The following PLCB1 variants were observed in gnomAD, a reference collection of about 807,000 sequenced individuals.
The protein encoded by PLCB1 is 1-phosphatidylinositol 4,5-bisphosphate phosphodiesterase beta-1.
A neutral mutation model predicts 161.8 loss-of-function variants in PLCB1; 46 were observed. That is an observed-to-expected ratio of 0.28 (90% confidence interval 0.22 to 0.36). The LOEUF (loss-of-function observed/expected upper bound fraction) is 0.36. Ranked by LOEUF, PLCB1 falls within the 10% of genes least tolerant of loss-of-function variation. The pLI, the probability that PLCB1 is intolerant of heterozygous loss-of-function variation, is 1.00. For synonymous variants in PLCB1, 517 were observed against 503.7 expected (o/e 1.03, Z -0.35); for missense variants, 1,016 against 1,472.5 (o/e 0.69, Z 5.07).
chr20:8,280,128 G>T (rs913707923), intron 2 of PLCB1, among the ~76,000 whole-genome samples: 3 of 152,068 alleles, frequency 2.0e-5, no homozygotes, highest in Admixed American at 6.6e-5. Flanking sequence ...CTGAGGTCAG[G>T]AGTTCGAGAC....
At chr20:8,679,062 A>T (rs1429829936) in intron 9 of PLCB1, among the ~76,000 whole-genome samples, 1 of 152,172 alleles carries the variant, frequency 6.6e-6, no homozygotes, top group Non-Finnish European at 1.5e-5. Flanking sequence ...TGATGGACAC[A>T]TCCTTGGTTA....
intron 31 of PLCB1, among the ~76,000 whole-genome samples, chr20:8,791,011 C>A (rs1024863926): frequency 6.6e-6 from 1 of 152,110 alleles, no homozygotes; most frequent in Admixed American, 6.5e-5. Flanking sequence ...TACTGCCATT[C>A]CACACAAGCA....
intron 9 of PLCB1, among the ~76,000 whole-genome samples, chr20:8,660,059 T>C (rs769131450): frequency 8.5e-5 from 13 of 152,076 alleles, no homozygotes; most frequent in Non-Finnish European, 1.9e-4. Flanking sequence ...AATCATATTC[T>C]ACATGCTACT....
At chr20:8,449,357 A>G (rs1267782687) in intron 3 of PLCB1, among the ~76,000 whole-genome samples, 2 of 152,214 alleles carry the variant, frequency 1.3e-5, no homozygotes, top group Non-Finnish European at 2.9e-5. Flanking sequence ...GATTCATCAC[A>G]CCACATTTCT....
At chr20:8,546,566 G>C (rs978788304) in intron 3 of PLCB1, among the ~76,000 whole-genome samples, 22 of 152,142 alleles carry the variant, frequency 1.4e-4, no homozygotes, top group African/African-American at 2.9e-4. Flanking sequence ...TAAGCTCTAG[G>C]GGGGAGGTAA....
intron 18 of PLCB1, among the ~76,000 whole-genome samples, chr20:8,732,644 G>GAA (rs1980318216): frequency 7.0e-6 from 1 of 143,468 alleles, no homozygotes; most frequent in Non-Finnish European, 1.5e-5. Context: ...TTAGAAATTA[G>GAA]ATATTAGATA....
chr20:8,238,252 G>A (rs1424355961), intron 2 of PLCB1, among the ~76,000 whole-genome samples: 1 of 151,994 alleles, frequency 6.6e-6, no homozygotes, highest in Non-Finnish European at 1.5e-5. Flanking sequence ...TACCTGCGTG[G>A]AAGTATCCAG....
At chr20:8,671,620 T>C (rs983105619) in intron 9 of PLCB1, among the ~76,000 whole-genome samples, 1 of 152,210 alleles carries the variant, frequency 6.6e-6, no homozygotes, top group Admixed American at 6.5e-5. Context: ...TAACACGTTT[T>C]AGAGAGATAA....
intron 3 of PLCB1, among the ~76,000 whole-genome samples, chr20:8,470,998 C>A (rs1218833679): frequency 6.6e-6 from 1 of 152,060 alleles, no homozygotes; most frequent in Non-Finnish European, 1.5e-5. Context: ...GTGTGGAACA[C>A]TTGCAAATAT....
intron 2 of PLCB1, among the ~76,000 whole-genome samples, chr20:8,241,109 A>T (rs1980588706): frequency 6.6e-6 from 1 of 152,018 alleles, no homozygotes; most frequent in Non-Finnish European, 1.5e-5. Context: ...AATGTAATTG[A>T]ATTTCTCCTG....
At chr20:8,573,610 T>G (rs538948036) in intron 3 of PLCB1, among the ~76,000 whole-genome samples, 1 of 152,330 alleles carries the variant, frequency 6.6e-6, no homozygotes, top group East Asian at 1.9e-4. Context: ...TAATTCAAAG[T>G]GTGAGACTCT....
intron 2 of PLCB1, among the ~76,000 whole-genome samples, chr20:8,203,319 A>G (rs1978346495): frequency 2.0e-5 from 3 of 152,074 alleles, no homozygotes; most frequent in Admixed American, 2.0e-4. Context: ...ATGATATGGA[A>G]GGGTCTAGCT....
intron 3 of PLCB1, among the ~76,000 whole-genome samples, chr20:8,392,081 T>G (rs1257443391): frequency 1.3e-5 from 2 of 152,018 alleles, no homozygotes; most frequent in East Asian, 3.9e-4. Flanking sequence ...TTTGAAAGTT[T>G]GCGTCCCCTC....
intron 2 of PLCB1, among the ~76,000 whole-genome samples, chr20:8,196,636 C>G (rs2423352): frequency 1 from 150,396 of 150,400 alleles, 75,196 homozygotes; most frequent in Non-Finnish European, 1. Context: ...CAGCCTCAAA[C>G]AAGCTCCTTT....
intron 2 of PLCB1, among the ~76,000 whole-genome samples, chr20:8,329,646 T>C (rs1985292891): frequency 6.6e-6 from 1 of 152,344 alleles, no homozygotes; most frequent in Non-Finnish European, 1.5e-5. Flanking sequence ...ATGTCACTGA[T>C]GGCATAATGT....
chr20:8,871,402 G>A (rs1189293507), intron 31 of PLCB1, among the ~76,000 whole-genome samples: 1 of 152,136 alleles, frequency 6.6e-6, no homozygotes, highest in East Asian at 1.9e-4. Flanking sequence ...AATACTAAAG[G>A]TATTGGCAGA....
intron 31 of PLCB1, among the ~76,000 whole-genome samples, chr20:8,796,159 A>C (rs1984017117): frequency 6.6e-6 from 1 of 152,194 alleles, no homozygotes; most frequent in Non-Finnish European, 1.5e-5. Context: ...AATTCCGGGA[A>C]GCTTTAGGGC....
chr20:8,382,688 A>G (rs978485340), intron 3 of PLCB1, among the ~76,000 whole-genome samples: 1 of 150,916 alleles, frequency 6.6e-6, no homozygotes, highest in African/African-American at 2.4e-5. Flanking sequence ...AGCTGTGACT[A>G]CAGGCACCTG....
chr20:8,184,947 C>T (rs1478262078), intron 2 of PLCB1, among the ~76,000 whole-genome samples: 2 of 151,956 alleles, frequency 1.3e-5, no homozygotes, highest in Non-Finnish European at 2.9e-5. Flanking sequence ...CCCTAGCCCC[C>T]CACTCCCCAA....
Sources: gnomAD v4.1 joint callset for allele counts (sites outside exome capture counted in the v4.1 genomes callset) on GRCh38, gnomAD v4.1.1 for gene constraint, MANE v1.5 for transcripts, NCBI Gene and HGNC (gene_info 2026-07-23, HGNC 2026-07-21) for gene names.